The following SLC25A40 variants were observed in gnomAD, a reference collection of about 807,000 sequenced individuals.
SLC25A40 encodes the protein mitochondrial glutathione transporter SLC25A40.
Under a neutral mutation model 46.5 loss-of-function variants are expected in SLC25A40, and 41 were observed. That is an observed-to-expected ratio of 0.88 (90% confidence interval 0.69 to 1.14). The LOEUF (loss-of-function observed/expected upper bound fraction) is 1.14, where lower values mean the gene tolerates loss of function less well. Ranked by LOEUF, SLC25A40 falls within the 50% of genes most tolerant of loss-of-function variation. The pLI, the probability that SLC25A40 is intolerant of heterozygous loss-of-function variation, is 0.00. For missense variants in SLC25A40, 386 were observed against 393.6 expected (o/e 0.98, Z 0.16); for synonymous variants, 126 against 127.5 (o/e 0.99, Z 0.08).
chr7:87,873,719 C>T lies in SLC25A40; in HGVS notation c.-94+2377G>A, dbSNP rs568738794. On this transcript the variant is annotated intron_variant, in intron 1 of 11. Coordinates refer to ENST00000341119, the MANE Select transcript of SLC25A40 (RefSeq NM_018843.4). ...TGCTGGGATTATAGGCTTGAGCCAC[C>T]GTGCCCAGCCAGAAAGGTTAACATT... Among the ~76,000 whole-genome samples, 12 of 152,178 alleles carry T rather than the reference C, an allele frequency of 7.9e-5. No individual in the cohort carries two copies. The South Asian group carries it at 2.3e-3, about 29-fold the overall frequency.
At chr7:87,867,589 T>C (rs1044508680) in intron 1 of SLC25A40, among the ~76,000 whole-genome samples, 3 of 152,322 alleles carry the variant, frequency 2.0e-5, no homozygotes, top group East Asian at 1.9e-4. Flanking sequence ...GGATCAGTCA[T>C]TGGAGTTTTG....
intron 3 of SLC25A40, among the ~76,000 whole-genome samples, 190 bp from the exon 4 acceptor site, chr7:87,856,541 AAGAC>A (rs1171704159): frequency 3.9e-5 from 6 of 152,140 alleles, no homozygotes; most frequent in Non-Finnish European, 7.4e-5. Flanking sequence ...TAATCAGTGA[AAGAC>A]AGACGAATTA....
At chr7:87,848,070 A>T (rs1838449448) in intron 6 of SLC25A40, 93 bp from the exon 7 acceptor site, 2 of 1,394,254 alleles carry the variant, frequency 1.4e-6, no homozygotes, top group Non-Finnish European at 9.5e-7. Flanking sequence ...AAGCTAAAAA[A>T]GTCTTATATT....
chr7:87,875,031 T>C (rs1838962471), intron 1 of SLC25A40, among the ~76,000 whole-genome samples: 1 of 152,154 alleles, frequency 6.6e-6, no homozygotes, highest in Non-Finnish European at 1.5e-5. Context: ...ATTTTGAAAA[T>C]AAGTTTTTTC....
chr7:87,865,726 C>T (rs1562749847), intron 1 of SLC25A40, among the ~76,000 whole-genome samples: 1 of 151,870 alleles, frequency 6.6e-6, no homozygotes, highest in Non-Finnish European at 1.5e-5. Context: ...GACCCAAGAT[C>T]ACACCACTGC....
At chr7:87,870,375 A>C (rs1838878757) in intron 1 of SLC25A40, among the ~76,000 whole-genome samples, 1 of 152,054 alleles carries the variant, frequency 6.6e-6, no homozygotes, top group Admixed American at 6.6e-5. Context: ...TTCAAGATTA[A>C]CTTATAAAAG....
intron 2 of SLC25A40, among the ~76,000 whole-genome samples, chr7:87,859,604 A>T (rs1218508445): frequency 6.6e-6 from 1 of 152,140 alleles, no homozygotes; most frequent in Non-Finnish European, 1.5e-5. Flanking sequence ...CCGTGTACAT[A>T]CAGCTTTTCT....
At chr7:87,875,229 C>T (rs1438784545) in intron 1 of SLC25A40, among the ~76,000 whole-genome samples, 3 of 152,316 alleles carry the variant, frequency 2.0e-5, no homozygotes, top group Admixed American at 2.0e-4. Flanking sequence ...CTAGACATTT[C>T]TCTCGAGTCA....
intron 10 of SLC25A40, among the ~76,000 whole-genome samples, chr7:87,841,163 A>ATG (rs1562741702): frequency 6.8e-6 from 1 of 147,544 alleles, no homozygotes. Context: ...GTGTGTGTAT[A>ATG]TATATATATA....
intron 3 of SLC25A40, among the ~76,000 whole-genome samples, chr7:87,857,049 C>T (rs1178584892): frequency 1.3e-5 from 2 of 152,146 alleles, no homozygotes; most frequent in Non-Finnish European, 2.9e-5. Flanking sequence ...TTGTTATTTA[C>T]ATAAACTAGC....
rs1375459087 is a variant in SLC25A40 at position 87,835,184 on chromosome 7, T to C, written c.*1065A>G. 4 of 151,602 alleles carry C rather than the reference T, an allele frequency of 2.6e-5. No individual in the cohort carries two copies. The highest frequency in any genetic ancestry group is 5.9e-5 in the Non-Finnish European group (4 of 67,646). The allele number at this position is 151,602 out of a possible 1,614,324, so 9.4% of individuals were successfully genotyped here. A position where few individuals can be genotyped will look rare whatever the true frequency, so the allele number is the denominator to read the frequency against. ...TTTCCTGCCATCATATCCTTTCTTATCTCATTCCTACATAGAATGAATGAT... is the reference window on the plus strand; with the variant it reads ...TTTCCTGCCATCATATCCTTTCTTACCTCATTCCTACATAGAATGAATGAT... On this transcript the variant is annotated 3_prime_UTR_variant, in exon 12 of 12. Coordinates refer to ENST00000341119, the MANE Select transcript of SLC25A40 (RefSeq NM_018843.4).
rs772110524 is a variant in SLC25A40 at position 87,846,954 on chromosome 7, A to G, written c.626T>C (p.Phe209Ser). ...ACAAATAAGATAAATCCTACCTGAG[A>G]AAGGTACATCTCTAAGAACAGTAGG... ...WAPTVLRDVP[F>S]SAMYWYNYEI... The change falls in exon 8 of 12, where the codon TTC (phenylalanine) becomes TCC (serine). Residue 209 changes from phenylalanine to serine, a missense_variant. Coordinates refer to ENST00000341119, the MANE Select transcript of SLC25A40 (RefSeq NM_018843.4). 2 of 1,599,764 alleles carry G rather than the reference A, an allele frequency of 1.3e-6. No homozygotes were observed. Among genetic ancestry groups the G allele is most frequent in the Non-Finnish European group, 1.7e-6 (2 of 1,174,904 alleles).
rs1044654870 is a variant in SLC25A40, at chr7:87,833,942, T to A, written c.*2307A>T. On this transcript the variant is annotated 3_prime_UTR_variant, in exon 12 of 12. Transcript: ENST00000341119. ...TCCTAGAAAAAAAAATATTGCCTTT[T>A]AAAAAAAATCAAATATGTACTACTT... 3 of 151,766 alleles carry A rather than the reference T, an allele frequency of 2.0e-5. No individual in the cohort carries two copies. The highest frequency in any genetic ancestry group is 1.9e-4 in the East Asian group (1 of 5,194). 9.4% of individuals were successfully genotyped at this position (151,766 alleles called of 1,614,324 possible). A position where few individuals can be genotyped will look rare whatever the true frequency, so the allele number is the denominator to read the frequency against.
At chr7:87,852,557 AGGC>A (rs1251033162) in intron 5 of SLC25A40, among the ~76,000 whole-genome samples, 1 of 152,224 alleles carries the variant, frequency 6.6e-6, no homozygotes, top group Non-Finnish European at 1.5e-5. Flanking sequence ...TGACAGAGCG[AGGC>A]CTTGTCTCAA....
intron 1 of SLC25A40, among the ~76,000 whole-genome samples, chr7:87,864,530 T>C (rs760901496): frequency 4.6e-5 from 7 of 152,244 alleles, no homozygotes; most frequent in Non-Finnish European, 7.3e-5. Context: ...ATAATTGTTA[T>C]ATCATCTTGC....
At chr7:87,858,527 A>G in intron 3 of SLC25A40, 104 bp downstream of exon 3, 1 of 696,352 alleles carries the variant, frequency 1.4e-6, no homozygotes, top group Non-Finnish European at 2.5e-6. Flanking sequence ...GCCAATACTT[A>G]TGGAAAATAG....
intron 7 of SLC25A40, among the ~76,000 whole-genome samples, chr7:87,847,329 T>C (rs1255642206): frequency 6.6e-6 from 1 of 152,192 alleles, no homozygotes; most frequent in Non-Finnish European, 1.5e-5. Flanking sequence ...AAATCTATTT[T>C]CATATACTTT....
intron 9 of SLC25A40, 121 bp from the exon 10 acceptor site, chr7:87,841,835 T>C (rs1838340907): frequency 2.3e-6 from 1 of 440,136 alleles, no homozygotes; most frequent in South Asian, 5.0e-5. Flanking sequence ...AACTTTAAAA[T>C]GAAATAATAT....
intron 1 of SLC25A40, among the ~76,000 whole-genome samples, chr7:87,865,258 ATT>A (rs946583072): frequency 4.6e-5 from 7 of 152,214 alleles, no homozygotes; most frequent in Middle Eastern, 3.4e-3. Context: ...ATGAAAACTT[ATT>A]TTAGATAACA....
Sources: allele counts gnomAD v4.1 joint callset (sites outside exome capture counted in the v4.1 genomes callset), GRCh38; gene constraint gnomAD v4.1.1; transcripts MANE v1.5; gene names NCBI Gene and HGNC (gene_info 2026-07-23, HGNC 2026-07-21).